Variants in FHIT observed in about 807,000 individuals in gnomAD.
FHIT encodes the protein fragile histidine triad diadenosine triphosphatase, also known as bis(5'-adenosyl)-triphosphatase.
FHIT carries 19 observed loss-of-function variants against 17.9 expected under a neutral mutation model. The observed-to-expected ratio is 1.06, with a 90% CI of 0.74 to 1.56. The LOEUF (loss-of-function observed/expected upper bound fraction) is 1.56. Among genes scored for constraint, FHIT ranks in the 40% most tolerant of loss-of-function variants. FHIT has a pLI of 0.00. For synonymous variants in FHIT, 81 were observed against 69.7 expected (o/e 1.16, Z -0.81); for missense variants, 248 against 189.2 (o/e 1.31, Z -1.82).
At chr3:60,927,677 C>T (rs879983183) in intron 3 of FHIT, among the ~76,000 whole-genome samples, 2 of 151,886 alleles carry the variant, frequency 1.3e-5, no homozygotes, top group East Asian at 2.0e-4. Context: ...GCCGCCACCC[C>T]GTCTGGGAGG....
chr3:59,909,454 T>C (rs1365854928), intron 8 of FHIT, among the ~76,000 whole-genome samples: 2 of 152,158 alleles, frequency 1.3e-5, no homozygotes, highest in South Asian at 2.1e-4. Context: ...CTCAGCCTCC[T>C]GTGTACATGC....
chr3:60,520,359 C>A (rs2035312074), intron 5 of FHIT, among the ~76,000 whole-genome samples: 1 of 152,022 alleles, frequency 6.6e-6, no homozygotes, highest in Non-Finnish European at 1.5e-5. Flanking sequence ...AACTGTAATT[C>A]CTTTTCTCCA....
At chr3:60,286,048 G>A (rs1158950555) in intron 5 of FHIT, among the ~76,000 whole-genome samples, 2 of 152,064 alleles carry the variant, frequency 1.3e-5, no homozygotes, top group South Asian at 2.1e-4. Flanking sequence ...GGAAGCAGGG[G>A]TGGGGAGCAC....
chr3:59,875,785 AGAGG>A (rs140277643), intron 8 of FHIT, among the ~76,000 whole-genome samples: 3,168 of 152,200 alleles, frequency 0.021, 39 homozygotes, highest in South Asian at 0.062. Flanking sequence ...TATTATGGAA[AGAGG>A]GAGGGCCTGT....
chr3:60,018,019 C>G (rs1402170678), intron 5 of FHIT, among the ~76,000 whole-genome samples: 2 of 152,122 alleles, frequency 1.3e-5, no homozygotes, highest in African/African-American at 2.4e-5. Flanking sequence ...TAAAAGAACA[C>G]CTGAAGCTGG....
At chr3:60,227,142 A>G (rs1322681687) in intron 5 of FHIT, among the ~76,000 whole-genome samples, 1 of 152,140 alleles carries the variant, frequency 6.6e-6, no homozygotes, top group African/African-American at 2.4e-5. Context: ...TGTTAGAAAA[A>G]TGGGCTGGGG....
chr3:60,507,514 G>GCAA (rs1223678469), intron 5 of FHIT, among the ~76,000 whole-genome samples: 2 of 152,120 alleles, frequency 1.3e-5, no homozygotes, highest in African/African-American at 4.8e-5. Flanking sequence ...AACAACAGCA[G>GCAA]CAACAACAAA....
intron 3 of FHIT, among the ~76,000 whole-genome samples, chr3:60,904,060 C>T (rs561459358): frequency 6.6e-6 from 1 of 152,272 alleles, no homozygotes; most frequent in East Asian, 1.9e-4. Flanking sequence ...TTTGTCCTTC[C>T]ATTTCTCATT....
chr3:60,843,730 C>T (rs1377418950), intron 3 of FHIT, among the ~76,000 whole-genome samples: 2 of 152,066 alleles, frequency 1.3e-5, no homozygotes, highest in African/African-American at 2.4e-5. Flanking sequence ...TGAAGGAAAG[C>T]CTATCATGAA....
chr3:59,903,998 G>GAAGTA (rs1704459339), intron 8 of FHIT, among the ~76,000 whole-genome samples: 1 of 152,128 alleles, frequency 6.6e-6, no homozygotes, highest in Admixed American at 6.5e-5. Flanking sequence ...GTATGAGTTA[G>GAAGTA]TTAGGGCCTG....
chr3:61,099,111 G>A (rs961469585), intron 2 of FHIT, among the ~76,000 whole-genome samples: 1 of 152,132 alleles, frequency 6.6e-6, no homozygotes, highest in African/African-American at 2.4e-5. Context: ...GGAGTTTAGT[G>A]AGAGTTTTTT....
chr3:60,406,719 T>C (rs1701873863), intron 5 of FHIT, among the ~76,000 whole-genome samples: 2 of 152,216 alleles, frequency 1.3e-5, no homozygotes, highest in Admixed American at 1.3e-4. Context: ...CTGACTTTTG[T>C]TGTTTCCAGC....
intron 5 of FHIT, among the ~76,000 whole-genome samples, chr3:60,054,824 G>A (rs1284201218): frequency 6.6e-6 from 1 of 152,118 alleles, no homozygotes; most frequent in African/African-American, 2.4e-5. Context: ...GGGTAGAAAT[G>A]TTTAAATATC....
At chr3:60,082,088 T>C (rs1703310629) in intron 5 of FHIT, among the ~76,000 whole-genome samples, 1 of 151,830 alleles carries the variant, frequency 6.6e-6, no homozygotes, top group Admixed American at 6.6e-5. Context: ...GTGAGCATAG[T>C]ACCCAATAGC....
chr3:61,154,237 C>G (rs1207535418), intron 2 of FHIT, among the ~76,000 whole-genome samples: 3 of 152,136 alleles, frequency 2.0e-5, no homozygotes, highest in Non-Finnish European at 4.4e-5. Flanking sequence ...GGGAAACCTC[C>G]CAGAATGATA....
intron 1 of FHIT, among the ~76,000 whole-genome samples, chr3:61,222,811 C>T (rs1386744550): frequency 1.3e-5 from 2 of 152,070 alleles, no homozygotes; most frequent in Non-Finnish European, 2.9e-5. Flanking sequence ...ATCAAGGCAA[C>T]GGAACAGGGC....
In FHIT at chr3:61,007,597, G is replaced by A. The variant is rs79985463; in HGVS notation, c.-111+34450C>T. 2.2e-3 allele frequency among the ~76,000 whole-genome samples: 341 copies of A among 152,274 alleles called. 1 individual carries two copies. The highest frequency in any genetic ancestry group is 7.8e-3 in the African/African-American group (322 of 41,546). ...CACAACACAAAATCAGGAGTCAATA[G>A]TTACAATGCTTTCTCACTCTGACAC... On this transcript the variant is annotated intron_variant, in intron 3 of 9. Transcript: ENST00000492590.
intron 5 of FHIT, among the ~76,000 whole-genome samples, chr3:60,384,273 A>C (rs1368059084): frequency 6.6e-6 from 1 of 152,040 alleles, no homozygotes; most frequent in Non-Finnish European, 1.5e-5. Flanking sequence ...TCTTAAAAAA[A>C]AAAAAAAAAA....
rs969519303 is a variant in FHIT, at chr3:60,283,072, C to G, written c.103+253788G>C. On this transcript the variant is annotated intron_variant, in intron 5 of 9. Transcript: ENST00000492590. The stretch of plus-strand genomic sequence containing the variant: ...TCAAGTCATCCTGAATGAAGAAAGA[C>G]CTTTGGAGAGTGCACACTTGAGTAA... Among the ~76,000 whole-genome samples the G allele has an allele frequency of 1.2e-4, 19 of 152,186 alleles. No individual in the cohort carries two copies. In the East Asian group the frequency reaches 2.3e-3, roughly 19 times the overall value.
Sources: allele counts gnomAD v4.1 joint callset (sites outside exome capture counted in the v4.1 genomes callset), GRCh38; gene constraint gnomAD v4.1.1; transcripts MANE v1.5; gene names NCBI Gene and HGNC (gene_info 2026-07-23, HGNC 2026-07-21).